CALD1: variants seen among roughly 807,000 people sequenced by gnomAD.
CALD1 encodes the protein caldesmon.
CALD1 carries 33 observed loss-of-function variants against 99.9 expected under a neutral mutation model. The observed-to-expected ratio is 0.33, with a 90% CI of 0.25 to 0.44. The LOEUF (loss-of-function observed/expected upper bound fraction) is 0.44, where lower values mean the gene tolerates loss of function less well. Ranked by LOEUF, CALD1 falls within the 20% of genes least tolerant of loss-of-function variation. CALD1 has a pLI of 1.00. For synonymous variants in CALD1, 310 were observed against 325.0 expected, an observed-to-expected ratio of 0.95 and a Z score of 0.50; for missense variants, 861 against 962.1, an observed-to-expected ratio of 0.89 and a Z score of 1.39.
intron 11 of CALD1, among the ~76,000 whole-genome samples, chr7:134,959,027 T>C (rs1808043274): frequency 6.6e-6 from 1 of 151,154 alleles, no homozygotes; most frequent in Admixed American, 6.6e-5. Flanking sequence ...CCCCCAATTG[T>C]GTGCCATGCT....
At chr7:134,724,108 G>C in the CALD1 span, among the ~76,000 whole-genome samples, 1 of 152,226 alleles carries the variant, frequency 6.6e-6, no homozygotes, top group Non-Finnish European at 1.5e-5. Context: ...GCTGCCCAGA[G>C]GGATTCCCTT....
intron 12 of CALD1, chr7:134,960,330 G>A (rs2133251261): frequency 1.5e-6 from 1 of 661,630 alleles, no homozygotes; most frequent in East Asian, 2.7e-5. Flanking sequence ...AAAGTGCCTG[G>A]GCTGAAATGT....
chr7:134,913,201 G>A (rs1438688101), intron 3 of CALD1, among the ~76,000 whole-genome samples: 1 of 152,158 alleles, frequency 6.6e-6, no homozygotes, highest in Non-Finnish European at 1.5e-5. Context: ...GGGACGTGGA[G>A]GTTGCAGTGA....
intron 1 of CALD1, among the ~76,000 whole-genome samples, chr7:134,768,608 C>T (rs911491722): frequency 3.9e-5 from 6 of 152,132 alleles, no homozygotes; most frequent in East Asian, 3.9e-4. Context: ...ATAGGAACAT[C>T]GGAGAAGTAA....
chr7:134,904,052 G>A (rs1259277975), intron 3 of CALD1, among the ~76,000 whole-genome samples: 13 of 151,684 alleles, frequency 8.6e-5, no homozygotes, highest in African/African-American at 2.9e-4. Context: ...GCGAAACCCC[G>A]TCTCTACTAA....
intron 1 of CALD1, among the ~76,000 whole-genome samples, chr7:134,815,822 A>C (rs961451137): frequency 6.6e-6 from 1 of 152,210 alleles, no homozygotes; most frequent in African/African-American, 2.4e-5. Context: ...TCTCAAAAGA[A>C]CCAATTATCA....
At chr7:134,899,632 CTTTTTT>C (rs1293954179) in intron 3 of CALD1, among the ~76,000 whole-genome samples, 39 of 111,042 alleles carry the variant, frequency 3.5e-4, no homozygotes, top group African/African-American at 1.4e-3. Context: ...ATTGATCTTT[CTTTTTT>C]GTTTTTGTTT....
intron 8 of CALD1, 92 bp from the exon 9 acceptor site, chr7:134,950,282 G>C (rs974377466): frequency 2.3e-6 from 3 of 1,282,248 alleles, no homozygotes; most frequent in Middle Eastern, 2.6e-4. Flanking sequence ...TGAGTCTGCT[G>C]CCTCTCCAAC....
intron 3 of CALD1, among the ~76,000 whole-genome samples, chr7:134,882,182 T>A (rs1358483957): frequency 6.6e-6 from 1 of 152,190 alleles, no homozygotes; most frequent in African/African-American, 2.4e-5. Flanking sequence ...CTAAGCTACT[T>A]GTGAGGGAGG....
In CALD1 at chr7:134,863,380, T is replaced by G. The variant is rs375334479; in HGVS notation, c.-41-4313T>G. On this transcript the variant is annotated intron_variant, in intron 2 of 14. Coordinates refer to ENST00000361675, the MANE Select transcript of CALD1 (RefSeq NM_033138.4). The stretch of plus-strand genomic sequence containing the variant: ...CCTGACACAACAGATTTTATTCTTC[T>G]TGCATTCCAAGATCAATACTGGCAC... Among the ~76,000 whole-genome samples the G allele has an allele frequency of 9.8e-5, 15 of 152,380 alleles. No homozygotes were observed. In the East Asian group the frequency reaches 1.7e-3, roughly 18 times the overall value.
At chr7:134,797,244 C>A (rs575958186) in intron 1 of CALD1, among the ~76,000 whole-genome samples, 10 of 152,316 alleles carry the variant, frequency 6.6e-5, no homozygotes, top group Non-Finnish European at 1.2e-4. Context: ...CTTGGCCTCC[C>A]AGTGTGCTGA....
intron 1 of CALD1, among the ~76,000 whole-genome samples, chr7:134,843,208 G>A (rs191804912): frequency 1.3e-5 from 2 of 152,326 alleles, no homozygotes; most frequent in Non-Finnish European, 2.9e-5. Flanking sequence ...CAGCATCTGT[G>A]TGTCGGGCAC....
At chr7:134,716,972 CT>C in the CALD1 span, among the ~76,000 whole-genome samples, 2 of 152,218 alleles carry the variant, frequency 1.3e-5, no homozygotes, top group Non-Finnish European at 2.9e-5. Context: ...GGTTTGACCA[CT>C]GAAGCTTTAT....
chr7:134,809,949 T>G (rs1354207881), intron 1 of CALD1, among the ~76,000 whole-genome samples: 2 of 151,788 alleles, frequency 1.3e-5, no homozygotes, highest in East Asian at 1.9e-4. Flanking sequence ...AGTTTAAGGG[T>G]TTTTCCCCCA....
At chr7:134,850,645 G>A (rs1800037834) in intron 2 of CALD1, among the ~76,000 whole-genome samples, 1 of 152,116 alleles carries the variant, frequency 6.6e-6, no homozygotes, top group Admixed American at 6.6e-5. Context: ...GTTCACTCTT[G>A]CAACTCCTCA....
intron 3 of CALD1, 152 bp downstream of exon 3, chr7:134,867,956 CTAAAT>C (rs1800880103): frequency 4.7e-6 from 2 of 428,586 alleles, no homozygotes; most frequent in South Asian, 5.7e-5. Context: ...TGCTAAGACT[CTAAAT>C]TAAGCATTTA....
rs535879026 is a variant in CALD1, at chr7:134,809,864, T to G, written c.-130+30115T>G. On this transcript the variant is annotated intron_variant, in intron 1 of 14. Transcript: ENST00000361675. ...TTGCAGAGGTGATGAGAACATATTT[T>G]CATTGCTAGAAAAAAAATTAAGCTA... is the stretch of plus-strand genomic sequence containing the variant. 2.6e-5 allele frequency among the ~76,000 whole-genome samples: 4 copies of G among 152,270 alleles called. No individual in the cohort carries two copies. In the East Asian group the frequency reaches 5.8e-4, roughly 22 times the overall value.
At chr7:134,773,792 G>A (rs1460048332) in intron 1 of CALD1, among the ~76,000 whole-genome samples, 2 of 149,734 alleles carry the variant, frequency 1.3e-5, no homozygotes, top group Non-Finnish European at 3.0e-5. Flanking sequence ...CTGTGTGTGT[G>A]TGTGTGTGTG....
intron 1 of CALD1, among the ~76,000 whole-genome samples, chr7:134,759,383 G>C (rs1194483587): frequency 6.6e-6 from 1 of 152,186 alleles, no homozygotes; most frequent in Admixed American, 6.5e-5. Flanking sequence ...GGGGCTAGGA[G>C]GGCTCTTAAC....
Sources: gnomAD v4.1 joint callset for allele counts (sites outside exome capture counted in the v4.1 genomes callset) on GRCh38, gnomAD v4.1.1 for gene constraint, MANE v1.5 for transcripts, NCBI Gene and HGNC (gene_info 2026-07-23, HGNC 2026-07-21) for gene names.